The following TMEM39B variants were observed in gnomAD, a reference collection of about 807,000 sequenced individuals.
TMEM39B encodes transmembrane protein 39B.
Under a neutral mutation model 52.2 loss-of-function variants are expected in TMEM39B, and 23 were observed. The ratio of observed to expected loss-of-function variants is 0.44; its 90% CI spans 0.32 to 0.62. The LOEUF (loss-of-function observed/expected upper bound fraction) is 0.62, where lower values mean the gene tolerates loss of function less well. Ranked by LOEUF, TMEM39B falls within the 20% of genes least tolerant of loss-of-function variation. The pLI, the probability that TMEM39B is intolerant of heterozygous loss-of-function variation, is 0.06. For synonymous variants in TMEM39B, 285 were observed against 264.0 expected, an observed-to-expected ratio of 1.08 and a Z score of -0.77; for missense variants, 547 against 642.0, an observed-to-expected ratio of 0.85 and a Z score of 1.60.
intron 1 of TMEM39B, chr1:32,073,724 C>CATAAGATATA (rs1639737303): frequency 1.0e-6 from 1 of 985,192 alleles, no homozygotes. Context: ...AGCTCTTCGC[C>CATAAGATATA]AGGTACTTTT....
chr1:32,079,487 C>G (rs1197124064), intron 5 of TMEM39B, among the ~76,000 whole-genome samples: 6 of 151,706 alleles, frequency 4.0e-5, no homozygotes, highest in Admixed American at 1.3e-4. Flanking sequence ...CCTGGCCAAC[C>G]TGTTCTATTT....
chr1:32,088,926 A>G lies in TMEM39B; in HGVS notation c.591-2749A>G, dbSNP rs139006166. Among the ~76,000 whole-genome samples the G allele has an allele frequency of 5.2e-3, 788 of 152,112 alleles. 6 individuals are homozygous for G. The highest frequency in any genetic ancestry group is 0.018 in the African/African-American group (733 of 41,494). On this transcript the variant is annotated intron_variant, in intron 5 of 8. Coordinates refer to ENST00000336294, the MANE Select transcript of TMEM39B (RefSeq NM_018056.4). Reference sequence around the variant, plus strand: ...CTCTTCCTTTTCTAGTCAAAATTCTATTGATCATCTATTCTGGGCCAGAAA... The same window carrying G: ...CTCTTCCTTTTCTAGTCAAAATTCTGTTGATCATCTATTCTGGGCCAGAAA...
Position 32,077,214 on chromosome 1 carries a change from C to T in TMEM39B, c.486C>T (p.Leu162=), listed in dbSNP as rs777723565. The change falls in exon 5 of 9, where the codon CTC becomes CTT. Residue 162 remains leucine (L), a synonymous_variant. Coordinates refer to ENST00000336294, the MANE Select transcript of TMEM39B (RefSeq NM_018056.4). ...TCTTTCGCTCCATCCTGCTGTTCCT[C>T]ACTCGCTTCACCGTTCTCACGGCAA... is the stretch of plus-strand genomic sequence containing the variant. ...VSLFRSILLF[L]TRFTVLTATG... is the part of the protein sequence containing the mutation. 1 of 1,614,174 alleles carries T rather than the reference C, an allele frequency of 6.2e-7. No individual in the cohort carries two copies. The highest frequency in any genetic ancestry group is 8.5e-7 in the Non-Finnish European group (1 of 1,180,040).
intron 7 of TMEM39B, among the ~76,000 whole-genome samples, chr1:32,097,225 T>G (rs1347917067): frequency 6.6e-6 from 1 of 152,112 alleles, no homozygotes; most frequent in African/African-American, 2.4e-5. Context: ...TCATGGCCCT[T>G]CCCAGTGATC....
chr1:32,099,687 A>G (rs938123367), intron 7 of TMEM39B, among the ~76,000 whole-genome samples: 16 of 152,176 alleles, frequency 1.1e-4, no homozygotes, highest in Admixed American at 5.9e-4. Context: ...GAAGCCACAC[A>G]AGACCTCAGA....
At chr1:32,093,399 C>CTTTTT (rs34793281) in intron 6 of TMEM39B, among the ~76,000 whole-genome samples, 14 of 50,334 alleles carry the variant, frequency 2.8e-4, no homozygotes, top group East Asian at 8.4e-4. Flanking sequence ...AAGCCCGGCC[C>CTTTTT]TTTTTTTTTT....
intron 7 of TMEM39B, among the ~76,000 whole-genome samples, chr1:32,097,677 C>T (rs906087287): frequency 6.6e-6 from 1 of 151,398 alleles, no homozygotes; most frequent in Non-Finnish European, 1.5e-5. Context: ...TGGAGTCTCG[C>T]TCTGTCGCCC....
At chr1:32,092,872 C>T (rs529729613) in intron 6 of TMEM39B, among the ~76,000 whole-genome samples, 1 of 152,334 alleles carries the variant, frequency 6.6e-6, no homozygotes, top group African/African-American at 2.4e-5. Flanking sequence ...ATGAGGGAGA[C>T]ATGGCATTGT....
At chr1:32,101,451 C>A (rs1015569709) in intron 8 of TMEM39B, among the ~76,000 whole-genome samples, 3 of 149,842 alleles carry the variant, frequency 2.0e-5, no homozygotes, top group Non-Finnish European at 3.0e-5. Context: ...TTAAAAAAAA[C>A]AATCAGAGGC....
In TMEM39B at chr1:32,100,574, C is replaced by T; in HGVS notation, c.1236+12C>T. 2 of 1,614,072 alleles carry T rather than the reference C, an allele frequency of 1.2e-6. No homozygotes were observed. The highest frequency in any genetic ancestry group is 1.7e-6 in the Non-Finnish European group (2 of 1,179,976). ...ACTTCCGCTTCCATGTGAGTCTCCT[C>T]CCCGGGGAAGGAGGGTTGGGGCCTG... On this transcript the variant is annotated intron_variant, in intron 8 of 8. Coordinates refer to ENST00000336294, the MANE Select transcript of TMEM39B (RefSeq NM_018056.4).
chr1:32,092,663 G>A (rs1318596555), intron 6 of TMEM39B, among the ~76,000 whole-genome samples: 1 of 151,826 alleles, frequency 6.6e-6, no homozygotes, highest in Non-Finnish European at 1.5e-5. Context: ...GCTAATTTTT[G>A]TATTTTTAGT....
intron 5 of TMEM39B, chr1:32,087,006 G>C (rs1640377457): frequency 6.6e-6 from 1 of 152,176 alleles, no homozygotes; most frequent in Non-Finnish European, 1.5e-5. Context: ...GGGACTACAG[G>C]TGTGTGCCAG....
rs1266379271 is a variant in TMEM39B at position 32,072,951 on chromosome 1, T to A, written c.-97T>A. 6.8e-7 allele frequency: 1 copy of A among 1,470,852 alleles called. No individual in the cohort carries two copies. Among genetic ancestry groups the A allele is most frequent in the African/African-American group, 1.5e-5 (1 of 68,946 alleles). The allele number at this position is 1,470,852 out of a possible 1,614,324, so 91.1% of individuals were successfully genotyped here. A position where few individuals can be genotyped will look rare whatever the true frequency, so the allele number is the denominator to read the frequency against. ...GGAGCGCGCGGCTGATACCCGGGAC[T>A]GGGCTGCGGCGGTTAGTCCTCTCCC... On this transcript the variant is annotated 5_prime_UTR_variant, in exon 1 of 9. Coordinates refer to ENST00000336294, the MANE Select transcript of TMEM39B (RefSeq NM_018056.4).
intron 5 of TMEM39B, among the ~76,000 whole-genome samples, chr1:32,088,411 C>G (rs1479153734): frequency 6.6e-6 from 1 of 151,856 alleles, no homozygotes; most frequent in Admixed American, 6.6e-5. Context: ...AGCCAGACTC[C>G]GTCTCAAAAA....
intron 5 of TMEM39B, among the ~76,000 whole-genome samples, chr1:32,080,978 C>T (rs1640070483): frequency 6.6e-6 from 1 of 151,920 alleles, no homozygotes; most frequent in African/African-American, 2.4e-5. Context: ...CGAAGTGAGC[C>T]ATGATCACAC....
intron 6 of TMEM39B, among the ~76,000 whole-genome samples, chr1:32,092,475 A>G (rs1270347400): frequency 6.7e-6 from 1 of 150,354 alleles, no homozygotes; most frequent in Admixed American, 6.6e-5. Context: ...ATTTTATTTT[A>G]CTTTTTTTAT....
chr1:32,075,214 T>G, intron 2 of TMEM39B, 137 bp downstream of exon 2: 1 of 1,265,954 alleles, frequency 7.9e-7, no homozygotes, highest in South Asian at 1.6e-5. Context: ...GCAGAAAAGA[T>G]CCAGAGGGAG....
chr1:32,102,313 C>T, intron 8 of TMEM39B, 118 bp from the exon 9 acceptor site: 1 of 1,391,610 alleles, frequency 7.2e-7, no homozygotes, highest in South Asian at 1.4e-5. Context: ...TTCTTCCCCA[C>T]CCATGTCTGC....
At chr1:32,102,090 A>G (rs1319936987) in intron 8 of TMEM39B, among the ~76,000 whole-genome samples, 1 of 152,170 alleles carries the variant, frequency 6.6e-6, no homozygotes, top group East Asian at 1.9e-4. Flanking sequence ...AAAGTTTTCA[A>G]AAATTAAAAA....
Sources: gnomAD v4.1 joint callset for allele counts (sites outside exome capture counted in the v4.1 genomes callset) on GRCh38, gnomAD v4.1.1 for gene constraint, MANE v1.5 for transcripts, NCBI Gene and HGNC (gene_info 2026-07-23, HGNC 2026-07-21) for gene names.